Variants in SAMD4A observed in about 807,000 individuals in gnomAD.
SAMD4A encodes sterile alpha motif domain containing 4A.
Under a neutral mutation model 81.3 loss-of-function variants are expected in SAMD4A, and 33 were observed. That is an observed-to-expected ratio of 0.41 (90% CI 0.31 to 0.54). The LOEUF (loss-of-function observed/expected upper bound fraction) is 0.54. Among genes scored for constraint, SAMD4A ranks in the 20% least tolerant of loss-of-function variants. SAMD4A has a pLI of 0.37. For synonymous variants in SAMD4A, 389 were observed against 382.1 expected (o/e 1.02, Z -0.21); for missense variants, 854 against 951.1 (o/e 0.90, Z 1.34).
chr14:54,694,524 A>T (rs2036530724), intron 2 of SAMD4A: 1 of 603,398 alleles, frequency 1.7e-6, no homozygotes, highest in South Asian at 7.3e-5. Flanking sequence ...CTTTGAGATC[A>T]TCTGAGTGAG....
intron 2 of SAMD4A, among the ~76,000 whole-genome samples, chr14:54,631,128 C>T (rs2034894843): frequency 6.6e-6 from 1 of 151,938 alleles, no homozygotes; most frequent in African/African-American, 2.4e-5. Flanking sequence ...AGGCTAATGT[C>T]CCAGTTCAAG....
chr14:54,711,285 G>A (rs1230591144), intron 3 of SAMD4A, among the ~76,000 whole-genome samples: 1 of 152,002 alleles, frequency 6.6e-6, no homozygotes. Flanking sequence ...TGACTTATTT[G>A]ACCAAATCAG....
At chr14:54,778,353 A>ACTAT (rs1311196764) in intron 11 of SAMD4A, among the ~76,000 whole-genome samples, 2 of 152,158 alleles carry the variant, frequency 1.3e-5, no homozygotes, top group Non-Finnish European at 2.9e-5. Context: ...TTTCCCCTCC[A>ACTAT]CTATCTCACA....
At chr14:54,697,114 G>A (rs1449881537) in intron 2 of SAMD4A, among the ~76,000 whole-genome samples, 1 of 152,190 alleles carries the variant, frequency 6.6e-6, no homozygotes, top group East Asian at 1.9e-4. Context: ...GAGGCCAGTG[G>A]GCAGTTGGAC....
chr14:54,581,886 T>C (rs1268296013), intron 2 of SAMD4A, among the ~76,000 whole-genome samples: 1 of 152,256 alleles, frequency 6.6e-6, no homozygotes, highest in African/African-American at 2.4e-5. Context: ...GCTTTGCTTT[T>C]TGTTCTATAA....
intron 6 of SAMD4A, 129 bp downstream of exon 6, chr14:54,751,666 G>T (rs776345721): frequency 5.7e-6 from 4 of 702,330 alleles, no homozygotes; most frequent in Non-Finnish European, 1.0e-5. Context: ...CAAAGTCAGA[G>T]AAAACGGAAT....
chr14:54,734,778 T>G (rs540081220), intron 3 of SAMD4A, among the ~76,000 whole-genome samples: 2 of 152,224 alleles, frequency 1.3e-5, no homozygotes, highest in South Asian at 4.1e-4. Context: ...TGTATTGTTC[T>G]CAGCATCCAT....
Position 54,688,087 on chromosome 14 carries a change from A to C in SAMD4A, c.197-13975A>C, listed in dbSNP as rs976251817. ...TATGTGATCATTCCATCAACTCACAAATTTTTCACCTAACACCTGGTTCAA... is the reference window on the plus strand; with the variant it reads ...TATGTGATCATTCCATCAACTCACACATTTTTCACCTAACACCTGGTTCAA... On this transcript the variant is annotated intron_variant, in intron 2 of 12. Coordinates refer to ENST00000554335, the MANE Select transcript of SAMD4A (RefSeq NM_015589.6). 4.1e-6 allele frequency: 4 copies of C among 985,430 alleles called. No individual in the cohort carries two copies. In the African/African-American group the frequency reaches 7.0e-5, roughly 17 times the overall value. The allele number at this position is 985,430 out of a possible 1,614,324, so 61.0% of individuals were successfully genotyped here.
chr14:54,731,571 A>C (rs1259128713), intron 3 of SAMD4A, among the ~76,000 whole-genome samples: 2 of 152,186 alleles, frequency 1.3e-5, no homozygotes, highest in Non-Finnish European at 2.9e-5. Context: ...GCTATGACTT[A>C]TTTTTATAAG....
intron 3 of SAMD4A, among the ~76,000 whole-genome samples, chr14:54,720,864 C>T (rs1474112226): frequency 6.6e-6 from 1 of 152,100 alleles, no homozygotes; most frequent in Admixed American, 6.6e-5. Flanking sequence ...GGAAGTTCTA[C>T]CACATAAATT....
intron 6 of SAMD4A, among the ~76,000 whole-genome samples, chr14:54,756,554 G>A (rs565772553): frequency 6.6e-6 from 1 of 152,208 alleles, no homozygotes; most frequent in Non-Finnish European, 1.5e-5. Flanking sequence ...CATATCCCCA[G>A]TGTGTAACAG....
rs570064017 is a variant in SAMD4A, at chr14:54,791,024, T to G, written c.*2080T>G. ...GACCTCTCCTTGGGTGACTAAGTTC[T>G]AAAGATGCAAATCCATGTGCAGAAA... On this transcript the variant is annotated 3_prime_UTR_variant, in exon 13 of 13. Coordinates refer to ENST00000554335, the MANE Select transcript of SAMD4A (RefSeq NM_015589.6). 1 of 152,318 alleles carries G rather than the reference T, an allele frequency of 6.6e-6. No homozygotes were observed. The highest frequency in any genetic ancestry group is 2.1e-4 in the South Asian group (1 of 4,830). The allele number at this position is 152,318 out of a possible 1,614,324, so 9.4% of individuals were successfully genotyped here. A position where few individuals can be genotyped will look rare whatever the true frequency, so the allele number is the denominator to read the frequency against.
intron 2 of SAMD4A, among the ~76,000 whole-genome samples, chr14:54,613,966 C>A (rs1011058165): frequency 6.6e-6 from 1 of 152,210 alleles, no homozygotes; most frequent in African/African-American, 2.4e-5. Flanking sequence ...TAAGAAACGA[C>A]CAGTTGTCAA....
At chr14:54,651,690 G>T (rs1052432900) in intron 2 of SAMD4A, among the ~76,000 whole-genome samples, 1 of 152,102 alleles carries the variant, frequency 6.6e-6, no homozygotes, top group African/African-American at 2.4e-5. Flanking sequence ...GATTTTCAGG[G>T]TATAAATGTC....
intron 7 of SAMD4A, among the ~76,000 whole-genome samples, chr14:54,760,908 G>T (rs2038380247): frequency 1.3e-5 from 2 of 152,196 alleles, no homozygotes; most frequent in South Asian, 2.1e-4. Flanking sequence ...AACTGAAGGG[G>T]CACAGACGCC....
intron 2 of SAMD4A, among the ~76,000 whole-genome samples, chr14:54,606,658 CTA>C (rs1232423837): frequency 6.6e-6 from 1 of 152,162 alleles, no homozygotes; most frequent in Non-Finnish European, 1.5e-5. Context: ...GGAAATAACT[CTA>C]TATACTGTCC....
At chr14:54,743,024 T>C (rs1304913123) in intron 4 of SAMD4A, among the ~76,000 whole-genome samples, 1 of 152,252 alleles carries the variant, frequency 6.6e-6, no homozygotes, top group African/African-American at 2.4e-5. Context: ...GAACCTCTGC[T>C]TCTCCAGAAT....
intron 2 of SAMD4A, among the ~76,000 whole-genome samples, chr14:54,684,269 A>G (rs2140596157): frequency 6.6e-6 from 1 of 152,288 alleles, no homozygotes; most frequent in African/African-American, 2.4e-5. Flanking sequence ...GCACCCCCAA[A>G]TCGCTGGGCC....
At chr14:54,784,135 A>C in intron 11 of SAMD4A, 1 of 552,684 alleles carries the variant, frequency 1.8e-6, no homozygotes, top group Non-Finnish European at 3.3e-6. Flanking sequence ...AAAGGCCGTG[A>C]GGTAGGAGGG....
Sources: gnomAD v4.1 joint callset for allele counts (sites outside exome capture counted in the v4.1 genomes callset) on GRCh38, gnomAD v4.1.1 for gene constraint, MANE v1.5 for transcripts, NCBI Gene and HGNC (gene_info 2026-07-23, HGNC 2026-07-21) for gene names.